ALX1: variants seen among roughly 807,000 people sequenced by gnomAD.
ALX1 encodes ALX homeobox protein 1.
In ALX1, 19 loss-of-function variants were observed where a neutral mutation model predicts 31.7. The observed-to-expected ratio is 0.60, with a 90% CI of 0.42 to 0.88. ALX1 has a LOEUF of 0.88. ALX1 is among the 40% of genes least tolerant of loss of function. The pLI is 0.00. For synonymous variants in ALX1, 153 were observed against 148.8 expected, an observed-to-expected ratio of 1.03 and a Z score of -0.20; for missense variants, 415 against 407.8, an observed-to-expected ratio of 1.02 and a Z score of -0.15.
At chr12:85,289,532 T>A (rs1283536843) in intron 3 of ALX1, among the ~76,000 whole-genome samples, 1 of 151,238 alleles carries the variant, frequency 6.6e-6, no homozygotes, top group Non-Finnish European at 1.5e-5. Context: ...CACTAATTAT[T>A]CCTCATAATT....
intron 3 of ALX1, among the ~76,000 whole-genome samples, chr12:85,294,811 T>C (rs1335978021): frequency 6.6e-6 from 1 of 151,082 alleles, no homozygotes; most frequent in African/African-American, 2.4e-5. Flanking sequence ...AAGTCACCTT[T>C]CTTGTTTCAA....
At chr12:85,298,346 A>G (rs1430622758) in intron 3 of ALX1, among the ~76,000 whole-genome samples, 2 of 151,710 alleles carry the variant, frequency 1.3e-5, no homozygotes, top group Non-Finnish European at 3.0e-5. Flanking sequence ...TATTTAACAT[A>G]ATGCCTCACG....
intron 3 of ALX1, among the ~76,000 whole-genome samples, chr12:85,292,168 G>A (rs1400605671): frequency 2.7e-5 from 4 of 150,940 alleles, no homozygotes; most frequent in Non-Finnish European, 5.9e-5. Flanking sequence ...GTTATCTTAT[G>A]TTGTAGCGTT....
rs760099352 is a variant in ALX1, at chr12:85,280,261, T to G, written c.-1T>G. 2 of 1,613,014 alleles carry G rather than the reference T, an allele frequency of 1.2e-6. No homozygotes were observed. Among genetic ancestry groups the G allele is most frequent in the East Asian group, 4.5e-5 (2 of 44,822 alleles). ...GAGCTACGCGACAGTCTTCCAGGAT[T>G]ATGGAGTTTCTGAGCGAGAAGTTTG... On this transcript the variant is annotated 5_prime_UTR_variant, in exon 1 of 4. It adds an upstream start codon to the 5' untranslated region. Transcript: ENST00000316824.
At chr12:85,287,375 T>C (rs35388734) in intron 3 of ALX1, among the ~76,000 whole-genome samples, 2 of 151,110 alleles carry the variant, frequency 1.3e-5, no homozygotes, top group African/African-American at 4.8e-5. Context: ...TATTGTTTTA[T>C]GAACTATACT....
chr12:85,299,690 C>T (rs1363189893), intron 3 of ALX1, among the ~76,000 whole-genome samples: 1 of 151,626 alleles, frequency 6.6e-6, no homozygotes, highest in Non-Finnish European at 1.5e-5. Context: ...TTAATCAGTC[C>T]TTTCTTGAGT....
intron 3 of ALX1, among the ~76,000 whole-genome samples, chr12:85,297,334 G>C (rs1306369258): frequency 6.6e-6 from 1 of 151,692 alleles, no homozygotes; most frequent in Non-Finnish European, 1.5e-5. Context: ...AACATGATCT[G>C]AATGATACAG....
Position 85,301,276 on chromosome 12 carries a change from G to C in ALX1, c.782G>C (p.Ser261Thr), listed in dbSNP as rs371574280. Residue 261 changes from serine (S) to threonine (T), a missense_variant, in exon 4 of 4, where the codon AGT (serine) becomes ACT (threonine). By Grantham distance (58) the Ser-to-Thr change is moderately conservative. Transcript: ENST00000316824. ...TCTCACTCGCCTCGGACAGATTCCA[G>C]TTACACGGGGTTTTCAAACCACCAG... ...PYSHSPRTDSSYTGFSNHQNQ... is the reference protein window; with the variant it reads ...PYSHSPRTDSTYTGFSNHQNQ... 25 of 1,614,024 alleles carry C rather than the reference G, an allele frequency of 1.5e-5. No individual in the cohort carries two copies. The highest frequency in any genetic ancestry group is 1.6e-4 in the Middle Eastern group (1 of 6,062).
chr12:85,298,563 A>T (rs1245117997), intron 3 of ALX1, among the ~76,000 whole-genome samples: 1 of 151,810 alleles, frequency 6.6e-6, no homozygotes, highest in Non-Finnish European at 1.5e-5. Flanking sequence ...CTGGAAATTT[A>T]AAAAAGGAAA....
chr12:85,283,626 G>A lies in ALX1; in HGVS notation c.281G>A (p.Arg94Lys). The change falls in exon 2 of 4, where the codon AGA becomes AAA. Residue 94 changes from arginine (R) to lysine (K), a missense_variant. Coordinates refer to ENST00000316824, the MANE Select transcript of ALX1 (RefSeq NM_006982.3). The part of the protein sequence containing the change: ...EGQPLHTELN[R>K]AMDNCNSLRM... ...CAGCCCCTTCACACCGAACTGAATAGAGCTATGGACAACTGTAACAGTCTC... is the reference window on the plus strand; with the variant it reads ...CAGCCCCTTCACACCGAACTGAATAAAGCTATGGACAACTGTAACAGTCTC... 2.5e-6 allele frequency: 4 copies of A among 1,614,084 alleles called. No homozygotes were observed. Among genetic ancestry groups the A allele is most frequent in the Non-Finnish European group, 3.4e-6 (4 of 1,179,986 alleles).
At chr12:85,301,044 T>C (rs538220236) in intron 3 of ALX1, 111 bp from the exon 4 acceptor site, 12 of 1,150,712 alleles carry the variant, frequency 1.0e-5, no homozygotes, top group Middle Eastern at 2.2e-4. Context: ...GACCACCCAA[T>C]AGGAGCAAAC....
intron 1 of ALX1, 131 bp from the exon 2 acceptor site, chr12:85,283,441 T>C: frequency 2.2e-6 from 2 of 907,752 alleles, no homozygotes; most frequent in Admixed American, 4.3e-5. Context: ...ATGTGGTAAT[T>C]GAATTAATAC....
intron 1 of ALX1, among the ~76,000 whole-genome samples, chr12:85,281,198 T>A (rs946446197): frequency 2.0e-5 from 3 of 152,210 alleles, no homozygotes; most frequent in African/African-American, 7.2e-5. Context: ...ATTCTACGTT[T>A]TGTATTTTTA....
intron 3 of ALX1, among the ~76,000 whole-genome samples, chr12:85,287,454 T>C (rs933843383): frequency 4.0e-5 from 5 of 125,576 alleles, no homozygotes; most frequent in Admixed American, 7.4e-5. Flanking sequence ...TTTTTCTATG[T>C]TTTTTTTTTT....
At chr12:85,290,502 C>A (rs1490777898) in intron 3 of ALX1, among the ~76,000 whole-genome samples, 1 of 151,164 alleles carries the variant, frequency 6.6e-6, no homozygotes, top group African/African-American at 2.4e-5. Context: ...CTAAACACCT[C>A]ATTGACTGTT....
At chr12:85,299,890 T>C (rs1329769955) in intron 3 of ALX1, among the ~76,000 whole-genome samples, 1 of 151,950 alleles carries the variant, frequency 6.6e-6, no homozygotes, top group Admixed American at 6.6e-5. Flanking sequence ...GTCCTACTCA[T>C]TGATGATTCT....
chr12:85,286,719 T>G (rs1324487896), intron 2 of ALX1, 134 bp from the exon 3 acceptor site: 10 of 861,012 alleles, frequency 1.2e-5, no homozygotes, highest in Non-Finnish European at 1.7e-5. Context: ...GTGGATCCTT[T>G]TCTAACATAA....
chr12:85,297,942 C>A (rs1319457949), intron 3 of ALX1, among the ~76,000 whole-genome samples: 1 of 151,550 alleles, frequency 6.6e-6, no homozygotes, highest in African/African-American at 2.4e-5. Flanking sequence ...CATAAATCAT[C>A]CATAAAATTT....
chr12:85,292,015 T>C (rs546265322), intron 3 of ALX1, among the ~76,000 whole-genome samples: 1 of 151,296 alleles, frequency 6.6e-6, no homozygotes, highest in South Asian at 2.1e-4. Context: ...TTGTGAATGT[T>C]AAACAAACTT....
Sources: allele counts gnomAD v4.1 joint callset (sites outside exome capture counted in the v4.1 genomes callset), GRCh38; gene constraint gnomAD v4.1.1; transcripts MANE v1.5; gene names NCBI Gene and HGNC (gene_info 2026-07-23, HGNC 2026-07-21).